Variants in JARID2 observed in about 807,000 individuals in gnomAD.
The protein encoded by JARID2 is jumonji and AT-rich interaction domain containing 2.
Under a neutral mutation model 125.6 loss-of-function variants are expected in JARID2, and 21 were observed. The ratio of observed to expected loss-of-function variants is 0.17; its 90% CI spans 0.12 to 0.24. The LOEUF (loss-of-function observed/expected upper bound fraction) is 0.24, where lower values mean the gene tolerates loss of function less well. Ranked by LOEUF, JARID2 falls within the 10% of genes least tolerant of loss-of-function variation. The pLI is 1.00. For synonymous variants in JARID2, 736 were observed against 661.6 expected (o/e 1.11, Z -1.73); for missense variants, 1,303 against 1,639.6 (o/e 0.79, Z 3.55).
At chr6:15,504,908 A>T (rs895687485) in intron 9 of JARID2, among the ~76,000 whole-genome samples, 8 of 152,104 alleles carry the variant, frequency 5.3e-5, no homozygotes, top group African/African-American at 1.9e-4. Flanking sequence ...TTCTCACCCC[A>T]TCCTCTGTGT....
At chr6:15,473,513 T>TGGGGGGGGG in intron 5 of JARID2, among the ~76,000 whole-genome samples, 1 of 20,252 alleles carries the variant, frequency 4.9e-5, no homozygotes, top group Non-Finnish European at 7.8e-5. Context: ...CTGATGTGCG[T>TGGGGGGGGG]GCCCCCCCCC....
At position 15,263,207 on chromosome 6, in the gene JARID2, A is replaced by C. The variant is rs117668783; in HGVS notation, c.45+16623A>C. ...GTCTCATTTCCTCTACCCCTTTGCA[A>C]ACCGTAAACACTGGTCACACGTGCT... On this transcript the variant is annotated intron_variant, in intron 1 of 17. Transcript: ENST00000341776. Among the ~76,000 whole-genome samples, 1,296 of 151,554 alleles carry C rather than the reference A, an allele frequency of 8.6e-3. 46 individuals carry two copies. Among genetic ancestry groups the C allele is most frequent in the Admixed American group, 0.058 (878 of 15,206 alleles).
chr6:15,320,692 T>C (rs1451665463), intron 1 of JARID2, among the ~76,000 whole-genome samples: 1 of 152,200 alleles, frequency 6.6e-6, no homozygotes, highest in Non-Finnish European at 1.5e-5. Flanking sequence ...TAGATGTTAT[T>C]CAGAAAGGAT....
intron 2 of JARID2, among the ~76,000 whole-genome samples, chr6:15,376,752 C>A (rs562066734): frequency 4.9e-4 from 75 of 152,080 alleles, no homozygotes; most frequent in Non-Finnish European, 9.4e-4. Context: ...AAGGCAGCTA[C>A]CATCTTAAAC....
intron 1 of JARID2, among the ~76,000 whole-genome samples, chr6:15,254,091 G>C (rs549794814): frequency 6.6e-6 from 1 of 152,178 alleles, no homozygotes; most frequent in Non-Finnish European, 1.5e-5. Context: ...AGAAGTGTCC[G>C]TCTTCCCTGC....
intron 6 of JARID2, among the ~76,000 whole-genome samples, chr6:15,490,810 T>C (rs1770114805): frequency 6.6e-6 from 1 of 152,226 alleles, no homozygotes; most frequent in Non-Finnish European, 1.5e-5. Context: ...TTTGAAGTAT[T>C]AGTTTTCCAA....
chr6:15,385,006 A>G (rs971740960), intron 2 of JARID2, among the ~76,000 whole-genome samples: 4 of 152,138 alleles, frequency 2.6e-5, no homozygotes, highest in African/African-American at 9.7e-5. Context: ...CTGCCTTTGT[A>G]TTCCTCCTGG....
chr6:15,435,107 T>C (rs1339383121), intron 3 of JARID2, among the ~76,000 whole-genome samples: 1 of 152,232 alleles, frequency 6.6e-6, no homozygotes, highest in Non-Finnish European at 1.5e-5. Flanking sequence ...TAACATAGTC[T>C]GATGATTCAA....
At chr6:15,420,544 A>G (rs1287605653) in intron 3 of JARID2, among the ~76,000 whole-genome samples, 1 of 152,122 alleles carries the variant, frequency 6.6e-6, no homozygotes, top group Non-Finnish European at 1.5e-5. Context: ...GTCTTCCATT[A>G]TTTACAAAAC....
chr6:15,309,651 A>C (rs562299338), intron 1 of JARID2, among the ~76,000 whole-genome samples: 1 of 152,094 alleles, frequency 6.6e-6, no homozygotes, highest in South Asian at 2.1e-4. Context: ...ATAATATATA[A>C]AGCATACATA....
intron 16 of JARID2, 137 bp downstream of exon 16, chr6:15,513,559 C>T: frequency 1.2e-6 from 1 of 862,042 alleles, no homozygotes; most frequent in Non-Finnish European, 1.7e-6. Context: ...GGCTGTGGGA[C>T]CTCGGCGGAG....
At chr6:15,391,443 G>A (rs1765005797) in intron 2 of JARID2, among the ~76,000 whole-genome samples, 1 of 152,218 alleles carries the variant, frequency 6.6e-6, no homozygotes. Context: ...TGCCAGCTGG[G>A]TCAGTGGGGA....
At chr6:15,324,698 G>A (rs1179838964) in intron 1 of JARID2, among the ~76,000 whole-genome samples, 1 of 150,596 alleles carries the variant, frequency 6.6e-6, no homozygotes, top group Non-Finnish European at 1.5e-5. Context: ...TATTTTCCAG[G>A]CACTTTGCAA....
intron 1 of JARID2, among the ~76,000 whole-genome samples, chr6:15,298,137 T>A (rs1340437149): frequency 6.6e-6 from 1 of 152,230 alleles, no homozygotes; most frequent in Middle Eastern, 3.2e-3. Context: ...GAAAATGGTG[T>A]AATCAGAATG....
At position 15,520,360 on chromosome 6, in the gene JARID2, A is replaced by T. The variant is rs921039654; in HGVS notation, c.*109A>T. The T allele has an allele frequency of 5.0e-5, 41 of 818,718 alleles. No individual in the cohort carries two copies. The highest frequency in any genetic ancestry group is 5.9e-5 in the Non-Finnish European group (33 of 559,348). The allele number at this position is 818,718 out of a possible 1,614,324, so 50.7% of individuals were successfully genotyped here. On this transcript the variant is annotated 3_prime_UTR_variant, in exon 18 of 18. Coordinates refer to ENST00000341776, the MANE Select transcript of JARID2 (RefSeq NM_004973.4). ...GCTGTCTTTGCACTAGCTCTAAAGAAGATTTTCTTCTGGTTTTAGAGAACT... is the reference window on the plus strand; with the variant it reads ...GCTGTCTTTGCACTAGCTCTAAAGATGATTTTCTTCTGGTTTTAGAGAACT...
chr6:15,404,354 C>T (rs1269990217), intron 2 of JARID2, among the ~76,000 whole-genome samples: 1 of 152,220 alleles, frequency 6.6e-6, no homozygotes, highest in Non-Finnish European at 1.5e-5. Context: ...AATGCCTACC[C>T]TGCTTAAAAA....
intron 1 of JARID2, among the ~76,000 whole-genome samples, chr6:15,312,166 T>A (rs1762035773): frequency 6.6e-6 from 1 of 152,200 alleles, no homozygotes; most frequent in African/African-American, 2.4e-5. Context: ...AGCAGTTCCC[T>A]TCCTCAGCCT....
At chr6:15,257,692 G>C (rs1759717266) in intron 1 of JARID2, among the ~76,000 whole-genome samples, 1 of 152,160 alleles carries the variant, frequency 6.6e-6, no homozygotes, top group African/African-American at 2.4e-5. Flanking sequence ...TGCTTTCTTG[G>C]AGAGAGGCTA....
intron 1 of JARID2, among the ~76,000 whole-genome samples, chr6:15,363,902 T>G (rs1763883909): frequency 6.6e-6 from 1 of 152,172 alleles, no homozygotes. Flanking sequence ...TTAAGGCATA[T>G]GAGACAACTT....
Sources: gnomAD v4.1 joint callset for allele counts (sites outside exome capture counted in the v4.1 genomes callset) on GRCh38, gnomAD v4.1.1 for gene constraint, MANE v1.5 for transcripts, NCBI Gene and HGNC (gene_info 2026-07-23, HGNC 2026-07-21) for gene names.